The following FOXO1 variants were observed in gnomAD, a reference collection of about 807,000 sequenced individuals.
FOXO1 encodes forkhead box O1.
In FOXO1, 6 loss-of-function variants were observed where a neutral mutation model predicts 44.1. The ratio of observed to expected loss-of-function variants is 0.14; its 90% confidence interval spans 0.07 to 0.27. FOXO1 has a LOEUF of 0.27. Among genes scored for constraint, FOXO1 ranks in the 10% least tolerant of loss-of-function variants. The pLI, the probability that FOXO1 is intolerant of heterozygous loss-of-function variation, is 1.00. For synonymous variants in FOXO1, 380 were observed against 362.7 expected, an observed-to-expected ratio of 1.05 and a Z score of -0.54; for missense variants, 737 against 888.8, an observed-to-expected ratio of 0.83 and a Z score of 2.17.
intron 1 of FOXO1, among the ~76,000 whole-genome samples, chr13:40,609,985 G>A (rs940569906): frequency 1.3e-5 from 2 of 151,880 alleles, no homozygotes; most frequent in African/African-American, 4.8e-5. Flanking sequence ...ATGGTGACCC[G>A]CCACTAAATA....
chr13:40,619,332 C>G, intron 1 of FOXO1: 1 of 539,962 alleles, frequency 1.9e-6, no homozygotes, highest in Non-Finnish European at 3.4e-6. Context: ...GAACAAATTA[C>G]AGAGACTCAG....
At chr13:40,566,906 A>T in intron 1 of FOXO1, among the ~76,000 whole-genome samples, 1 of 152,144 alleles carries the variant, frequency 6.6e-6, no homozygotes, top group Non-Finnish European at 1.5e-5. Context: ...GCTCTAAATC[A>T]AGTCTAGGTT....
chr13:40,661,025 G>A (rs370517902), intron 1 of FOXO1, among the ~76,000 whole-genome samples: 12 of 152,168 alleles, frequency 7.9e-5, no homozygotes, highest in Non-Finnish European at 1.2e-4. Context: ...CACTCTTCTC[G>A]CCATCCCCTC....
chr13:40,636,925 C>T (rs939864075), intron 1 of FOXO1, among the ~76,000 whole-genome samples: 3 of 152,164 alleles, frequency 2.0e-5, no homozygotes, highest in Admixed American at 6.5e-5. Flanking sequence ...GAATACTATG[C>T]GCTAGGTACT....
intron 1 of FOXO1, among the ~76,000 whole-genome samples, chr13:40,660,031 C>A (rs1382762421): frequency 6.6e-6 from 1 of 152,202 alleles, no homozygotes; most frequent in Non-Finnish European, 1.5e-5. Context: ...TTGTACACAG[C>A]ATATCCCTTA....
In FOXO1 at chr13:40,597,633, C is replaced by T. The variant is rs573066894; in HGVS notation, c.631-36773G>A. On this transcript the variant is annotated intron_variant, in intron 1 of 2. Transcript: ENST00000379561. ...CTACATCTTCCCCCGGTGAAGGGTC[C>T]TGCCCTAGAAAGAACTTTCCCCTAA... Among the ~76,000 whole-genome samples the T allele has an allele frequency of 2.0e-5, 3 of 152,262 alleles. No homozygotes were observed. The East Asian group carries it at 5.8e-4, about 29-fold the overall frequency.
chr13:40,624,166 T>G (rs1475190926), intron 1 of FOXO1, among the ~76,000 whole-genome samples: 1 of 151,638 alleles, frequency 6.6e-6, no homozygotes, highest in Admixed American at 6.6e-5. Flanking sequence ...TAGACGACCC[T>G]CTGCAGAAGA....
chr13:40,592,796 C>A (rs1875432632), intron 1 of FOXO1, among the ~76,000 whole-genome samples: 1 of 152,188 alleles, frequency 6.6e-6, no homozygotes, highest in Non-Finnish European at 1.5e-5. Context: ...TATTGCTTCA[C>A]AGTGATGGCA....
chr13:40,589,533 A>C (rs181209799), intron 1 of FOXO1, among the ~76,000 whole-genome samples: 1 of 152,248 alleles, frequency 6.6e-6, no homozygotes, highest in Admixed American at 6.5e-5. Context: ...GTGTTGTAAA[A>C]TATTTCGTCT....
chr13:40,598,135 G>A (rs576658537), intron 1 of FOXO1, among the ~76,000 whole-genome samples: 1 of 152,286 alleles, frequency 6.6e-6, no homozygotes, highest in African/African-American at 2.4e-5. Context: ...CGGAACAAGC[G>A]AATGAAAGAG....
intron 1 of FOXO1, among the ~76,000 whole-genome samples, chr13:40,592,788 T>C (rs544852763): frequency 6.6e-6 from 1 of 152,318 alleles, no homozygotes; most frequent in East Asian, 1.9e-4. Context: ...TTACACTTTA[T>C]TGCTTCACAG....
At chr13:40,652,735 C>G (rs1877726110) in intron 1 of FOXO1, among the ~76,000 whole-genome samples, 2 of 152,192 alleles carry the variant, frequency 1.3e-5, no homozygotes, top group Non-Finnish European at 2.9e-5. Flanking sequence ...CCTCAAGAAT[C>G]TGCCAAAATA....
intron 1 of FOXO1, among the ~76,000 whole-genome samples, chr13:40,654,478 G>A (rs1247586546): frequency 1.4e-4 from 20 of 147,634 alleles, no homozygotes; most frequent in Non-Finnish European, 2.7e-4. Flanking sequence ...TCCAGCCTGG[G>A]CGACAGAGCG....
intron 1 of FOXO1, among the ~76,000 whole-genome samples, chr13:40,588,854 C>T (rs1202278343): frequency 6.6e-6 from 1 of 152,106 alleles, no homozygotes; most frequent in Non-Finnish European, 1.5e-5. Context: ...CCTGTAATCC[C>T]AGCACTTTGG....
intron 1 of FOXO1, among the ~76,000 whole-genome samples, chr13:40,596,184 A>C (rs1214516698): frequency 6.6e-6 from 1 of 152,130 alleles, no homozygotes; most frequent in Non-Finnish European, 1.5e-5. Flanking sequence ...CATGAAAGCT[A>C]ATCTTTCCTT....
intron 1 of FOXO1, among the ~76,000 whole-genome samples, chr13:40,567,895 G>A (rs1014597202): frequency 6.6e-6 from 1 of 152,056 alleles, no homozygotes; most frequent in African/African-American, 2.4e-5. Context: ...TTGAACCTGG[G>A]AGGCAGAGGT....
At chr13:40,586,986 A>G (rs138547441) in intron 1 of FOXO1, among the ~76,000 whole-genome samples, 2 of 152,212 alleles carry the variant, frequency 1.3e-5, no homozygotes, top group African/African-American at 4.8e-5. Flanking sequence ...TATTTTACCC[A>G]GCATATTACA....
chr13:40,647,293 G>A (rs1877541500), intron 1 of FOXO1, among the ~76,000 whole-genome samples: 1 of 152,152 alleles, frequency 6.6e-6, no homozygotes, highest in South Asian at 2.1e-4. Context: ...TACAATATAA[G>A]CTTCAATCAT....
At chr13:40,567,562 A>G (rs1043892677) in intron 1 of FOXO1, among the ~76,000 whole-genome samples, 4 of 152,322 alleles carry the variant, frequency 2.6e-5, no homozygotes, top group African/African-American at 7.2e-5. Flanking sequence ...CACTGTTAAG[A>G]AGAATCAAAG....
Sources: allele counts gnomAD v4.1 joint callset (sites outside exome capture counted in the v4.1 genomes callset), GRCh38; gene constraint gnomAD v4.1.1; transcripts MANE v1.5; gene names NCBI Gene and HGNC (gene_info 2026-07-23, HGNC 2026-07-21).